The following ZNF503 variants were observed in gnomAD, a reference collection of about 807,000 sequenced individuals.
ZNF503 encodes the protein zinc finger protein 503, also known as NocA-like zinc finger 2.
Under a neutral mutation model 34.4 loss-of-function variants are expected in ZNF503, and 15 were observed. The ratio of observed to expected loss-of-function variants is 0.44; its 90% CI spans 0.29 to 0.67. The LOEUF (loss-of-function observed/expected upper bound fraction) is 0.67. Ranked by LOEUF, ZNF503 falls within the 30% of genes least tolerant of loss-of-function variation. ZNF503 has a pLI of 0.13. For synonymous variants in ZNF503, 580 were observed against 456.8 expected (o/e 1.27, Z -3.44); for missense variants, 1,007 against 926.8 (o/e 1.09, Z -1.12).
chr10:75,348,242 T>C, the ZNF503 span, among the ~76,000 whole-genome samples: 1 of 115,028 alleles, frequency 8.7e-6, no homozygotes, highest in South Asian at 3.5e-4. Flanking sequence ...TTTATATTTT[T>C]AGTAGAGATG....
chr10:75,313,170 C>A, the ZNF503 span, among the ~76,000 whole-genome samples: 44,054 of 152,008 alleles, frequency 0.29, 6,568 homozygotes, highest in South Asian at 0.5. Context: ...CATTAGAAAC[C>A]ATGGAGGTAG....
the ZNF503 span, among the ~76,000 whole-genome samples, chr10:75,370,895 C>G: frequency 6.7e-6 from 1 of 150,202 alleles, no homozygotes; most frequent in African/African-American, 2.4e-5. Flanking sequence ...TTCTCTGTCT[C>G]TCTCCAGCCT....
chr10:75,356,842 ACTC>A, the ZNF503 span, among the ~76,000 whole-genome samples: 1 of 151,516 alleles, frequency 6.6e-6, no homozygotes, highest in Non-Finnish European at 1.5e-5. Context: ...CCAGAGAATA[ACTC>A]CTCCCCCGGG....
the ZNF503 span, among the ~76,000 whole-genome samples, chr10:75,283,039 T>C: frequency 2.6e-5 from 4 of 152,342 alleles, 1 homozygote; most frequent in African/African-American, 9.6e-5. Flanking sequence ...GTGTCAAATA[T>C]AATTTGATAG....
Position 75,399,371 on chromosome 10 carries a change from T to C in ZNF503, c.1319A>G (p.His440Arg), listed in dbSNP as rs1471304784. The change falls in exon 2 of 2, where the codon CAC (histidine) becomes CGC (arginine). Residue 440 changes from histidine to arginine, a missense_variant. His to Arg is a conservative substitution (Grantham distance 29). Transcript: ENST00000372524. ...GCTGGCGGCCGCCGCCCCTGCCAGGTGGCTAGCGCAGTGGTAGCTGAGGCA... is the reference window on the plus strand; with the variant it reads ...GCTGGCGGCCGCCGCCCCTGCCAGGCGGCTAGCGCAGTGGTAGCTGAGGCA... ...PYCLSYHCAS[H>R]LAGAAAASAS... 3 of 1,606,498 alleles carry C rather than the reference T, an allele frequency of 1.9e-6. No homozygotes were observed. Among genetic ancestry groups the C allele is most frequent in the South Asian group, 1.1e-5 (1 of 90,770 alleles).
chr10:75,296,375 C>G, the ZNF503 span: 1 of 152,506 alleles, frequency 6.6e-6, no homozygotes, highest in East Asian at 1.9e-4. Flanking sequence ...TGGCCCCTTT[C>G]ACGTTGTGAG....
chr10:75,292,538 A>C, the ZNF503 span, among the ~76,000 whole-genome samples: 4 of 152,238 alleles, frequency 2.6e-5, no homozygotes, highest in Non-Finnish European at 5.9e-5. Context: ...TACTCAATTC[A>C]AAAGGATTGA....
At chr10:75,294,875 G>T in the ZNF503 span, among the ~76,000 whole-genome samples, 11 of 152,194 alleles carry the variant, frequency 7.2e-5, no homozygotes, top group African/African-American at 2.2e-4. Context: ...ATGCGGGCCC[G>T]GGTTTTTCTG....
At chr10:75,393,385 C>T (rs1279082612), downstream of ZNF503, among the ~76,000 whole-genome samples, 2 of 152,208 alleles carry the variant, frequency 1.3e-5, no homozygotes, top group Non-Finnish European at 1.5e-5. Context: ...GGTTGAAACC[C>T]TAGCTGGAAG....
chr10:75,319,002 C>A, the ZNF503 span, among the ~76,000 whole-genome samples: 1 of 151,650 alleles, frequency 6.6e-6, no homozygotes, highest in Non-Finnish European at 1.5e-5. Flanking sequence ...CTTTGTTGCC[C>A]AGGTTGGAGT....
the ZNF503 span, among the ~76,000 whole-genome samples, chr10:75,332,938 T>C: frequency 2.2e-4 from 32 of 143,614 alleles, no homozygotes; most frequent in African/African-American, 8.4e-4. Flanking sequence ...CCCGCCTTTC[T>C]ATTCCACAAA....
At chr10:75,353,512 C>G in the ZNF503 span, among the ~76,000 whole-genome samples, 57,614 of 151,824 alleles carry the variant, frequency 0.38, 11,363 homozygotes, top group African/African-American at 0.45. Context: ...GAGCTCAGGG[C>G]GGGTGCCAGG....
the ZNF503 span, among the ~76,000 whole-genome samples, chr10:75,338,635 T>A: frequency 6.6e-6 from 1 of 152,178 alleles, no homozygotes; most frequent in Non-Finnish European, 1.5e-5. Flanking sequence ...CTCATCCCTC[T>A]CCTCCTCTCT....
In ZNF503 at chr10:75,399,609, C is replaced by T. The variant is rs1370742992; in HGVS notation, c.1081G>A (p.Gly361Ser). ...PLPPAGMTYP[G>S]SLAGAYAGYP... Reference sequence around the variant, plus strand: ...CCGGCGTAGGCCCCGGCCAGGCTGCCTGGGTAGGTCATACCCGCGGGAGGC... The same window carrying T: ...CCGGCGTAGGCCCCGGCCAGGCTGCTTGGGTAGGTCATACCCGCGGGAGGC... Residue 361 changes from glycine (G) to serine (S), a missense_variant, in exon 2 of 2, where the codon GGC (glycine) becomes AGC (serine). Physicochemically the swap from Gly to Ser is moderately conservative, Grantham distance 56 (BLOSUM62 0). Coordinates refer to ENST00000372524, the MANE Select transcript of ZNF503 (RefSeq NM_032772.6). The T allele has an allele frequency of 1.3e-6, 2 of 1,598,020 alleles. No individual in the cohort carries two copies. The highest frequency in any genetic ancestry group is 2.7e-5 in the African/African-American group (2 of 74,912).
chr10:75,379,576 C>T, the ZNF503 span, among the ~76,000 whole-genome samples: 1 of 152,100 alleles, frequency 6.6e-6, no homozygotes, highest in Non-Finnish European at 1.5e-5. Flanking sequence ...GCAGTTCTGC[C>T]CAGCACGGAC....
chr10:75,336,893 A>G, the ZNF503 span, among the ~76,000 whole-genome samples: 1 of 152,182 alleles, frequency 6.6e-6, no homozygotes, highest in Non-Finnish European at 1.5e-5. Context: ...ATTCCCATGC[A>G]TTGAATTCTC....
Position 75,401,652 on chromosome 10 carries a change from G to C in ZNF503, c.-233C>G, listed in dbSNP as rs1843827894. The stretch of plus-strand genomic sequence containing the variant: ...GAGGAGCCGGCTGGACTGCGGGAGT[G>C]CCGGGCGGCTCGCGGTGTCCGCCTC... On this transcript the variant is annotated 5_prime_UTR_variant, in exon 1 of 2. Transcript: ENST00000372524. The C allele has an allele frequency of 1.9e-6, 1 of 519,886 alleles. No individual in the cohort carries two copies. The highest frequency in any genetic ancestry group is 2.6e-5 in the South Asian group (1 of 38,902). The allele number at this position is 519,886 out of a possible 1,614,324, so 32.2% of individuals were successfully genotyped here.
At chr10:75,341,281 T>C in the ZNF503 span, among the ~76,000 whole-genome samples, 1 of 152,232 alleles carries the variant, frequency 6.6e-6, no homozygotes, top group African/African-American at 2.4e-5. Flanking sequence ...GAAACTATAA[T>C]ATAAACATTG....
the ZNF503 span, chr10:75,382,964 C>T: frequency 5.7e-6 from 1 of 175,196 alleles, no homozygotes; most frequent in South Asian, 1.4e-4. Flanking sequence ...TCTTCCGGGG[C>T]AATTCAGGAC....
Sources: allele counts gnomAD v4.1 joint callset (sites outside exome capture counted in the v4.1 genomes callset), GRCh38; gene constraint gnomAD v4.1.1; transcripts MANE v1.5; gene names NCBI Gene and HGNC (gene_info 2026-07-23, HGNC 2026-07-21).